The following MRPL28 variants were observed in gnomAD, a reference collection of about 807,000 sequenced individuals.
The protein encoded by MRPL28 is large ribosomal subunit protein bL28m.
Under a neutral mutation model 26.2 loss-of-function variants are expected in MRPL28, and 25 were observed. The ratio of observed to expected loss-of-function variants is 0.95; its 90% CI spans 0.69 to 1.33. The LOEUF (loss-of-function observed/expected upper bound fraction) is 1.33. MRPL28 is among the 40% of genes most tolerant of loss of function. The pLI is 0.00. For synonymous variants in MRPL28, 227 were observed against 140.1 expected (o/e 1.62, Z -4.38); for missense variants, 432 against 327.2 (o/e 1.32, Z -2.47).
chr16:368,542 C>T lies in MRPL28; in HGVS notation c.535G>A (p.Glu179Lys), dbSNP rs777669067. ...ATGGCTGCCCGCCGCTCGGGGTCCT[C>T]GGGGTGCAGCTGGGGGTCCTGCCGG... is the stretch of plus-strand genomic sequence containing the variant. ...LARQDPQLHPEDPERRAAIYD... is the reference protein window; with the variant it reads ...LARQDPQLHPKDPERRAAIYD... The change falls in exon 4 of 6, where the codon GAG becomes AAG. Residue 179 changes from glutamate (E) to lysine (K), a missense_variant. By Grantham distance (56) the Glu-to-Lys change is moderately conservative. Transcript: ENST00000199706. 109 of 1,595,212 alleles carry T rather than the reference C, an allele frequency of 6.8e-5. 1 individual carries two copies. In the South Asian group the frequency reaches 7.9e-4, roughly 12 times the overall value.
chr16:368,820 G>A (rs2054286766), intron 3 of MRPL28, 185 bp from the exon 4 acceptor site: 1 of 1,069,370 alleles, frequency 9.4e-7, no homozygotes, highest in African/African-American at 1.6e-5. Flanking sequence ...CCAAGTGCAG[G>A]GAAAGGGGCG....
rs1339019218 is a variant in MRPL28 at position 368,585 on chromosome 16, C to T, written c.492G>A (p.Gly164=). Residue 164 remains glycine (G), a synonymous_variant, in exon 4 of 6, where the codon GGG becomes GGA. Transcript: ENST00000199706. ...CCTGCCGGGCAAGCCGCAGCAGCAT[C>T]CCTCGCTTCAGGTCCATCCCAAACT... ...CSKFGMDLKR[G]MLLRLARQDP... is the part of the protein sequence containing the mutation. 1 of 1,598,118 alleles carries T rather than the reference C, an allele frequency of 6.3e-7. No homozygotes were observed. The highest frequency in any genetic ancestry group is 1.1e-5 in the South Asian group (1 of 89,378).
chr16:369,850 T>G, intron 2 of MRPL28, 81 bp downstream of exon 2: 1 of 1,525,854 alleles, frequency 6.6e-7, no homozygotes, highest in Non-Finnish European at 8.8e-7. Flanking sequence ...CCCAGGTCTC[T>G]CCAGGTACCC....
intron 4 of MRPL28, 39 bp from the exon 5 acceptor site, chr16:368,453 G>A: frequency 6.2e-7 from 1 of 1,613,380 alleles, no homozygotes; most frequent in Non-Finnish European, 8.5e-7. Context: ...GAGGCCCAGG[G>A]CCGGGCCACG....
At position 367,816 on chromosome 16, in the gene MRPL28, G is replaced by C. The variant is rs1288079499; in HGVS notation, c.664-34C>G. 1.9e-6 allele frequency: 3 copies of C among 1,584,818 alleles called. No homozygotes were observed. In the African/African-American group the frequency reaches 4.0e-5, roughly 21 times the overall value. On this transcript the variant is annotated intron_variant, in intron 5 of 5. Coordinates refer to ENST00000199706, the MANE Select transcript of MRPL28 (RefSeq NM_006428.5). ...GAGAGGGGCTCATGGTGAGGCCAGG[G>C]AAGCCCAGGGCAGCTGGAGTTCCGA...
Position 368,536 on chromosome 16 carries a change from G to A in MRPL28, c.541C>T (p.Pro181Ser), listed in dbSNP as rs758485563. 1 of 1,595,372 alleles carries A rather than the reference G, an allele frequency of 6.3e-7. No homozygotes were observed. The highest frequency in any genetic ancestry group is 8.6e-7 in the Non-Finnish European group (1 of 1,168,380). ...TCGTAGATGGCTGCCCGCCGCTCGG[G>A]GTCCTCGGGGTGCAGCTGGGGGTCC... is the stretch of plus-strand genomic sequence containing the variant. ...RQDPQLHPED[P>S]ERRAAIYDKY... The change falls in exon 4 of 6, where the codon CCC becomes TCC. Residue 181 changes from proline (P) to serine (S), a missense_variant. Coordinates refer to ENST00000199706, the MANE Select transcript of MRPL28 (RefSeq NM_006428.5).
chr16:369,151 C>G lies in MRPL28; in HGVS notation c.358G>C (p.Asp120His). The change falls in exon 3 of 6, where the codon GAC (aspartate) becomes CAC (histidine). Residue 120 changes from aspartate to histidine, a missense_variant. Transcript: ENST00000199706. The stretch of plus-strand genomic sequence containing the variant: ...GTCACAGTCACTGTGAACTTCTTGT[C>G]CAGGATCTCACTGTAGAACTCTCGC... ...FEREFYSEILDKKFTVTVTMR... is the reference protein window; with the variant it reads ...FEREFYSEILHKKFTVTVTMR... The G allele has an allele frequency of 6.2e-7, 1 of 1,614,044 alleles. No homozygotes were observed. Among genetic ancestry groups the G allele is most frequent in the African/African-American group, 1.3e-5 (1 of 75,036 alleles).
intron 2 of MRPL28, chr16:369,569 C>T (rs747787410): frequency 2.4e-5 from 17 of 713,436 alleles, no homozygotes; most frequent in Non-Finnish European, 3.9e-5. Context: ...TCAGCAGTCC[C>T]GCCAGGAAGT....
At chr16:368,951 A>C in intron 3 of MRPL28, 117 bp downstream of exon 3, 3 of 1,310,260 alleles carry the variant, frequency 2.3e-6, no homozygotes, top group Non-Finnish European at 3.1e-6. Flanking sequence ...ACGCTTTCCC[A>C]GTGACCCTCC....
Position 369,052 on chromosome 16 carries a change from G to GC in MRPL28, c.441+15dup, listed in dbSNP as rs751071163. 5.6e-6 allele frequency: 9 copies of GC among 1,611,744 alleles called. No individual in the cohort carries two copies. The African/African-American group carries it at 1.2e-4, about 22-fold the overall frequency. On this transcript the variant is annotated intron_variant, in intron 3 of 5. Coordinates refer to ENST00000199706, the MANE Select transcript of MRPL28 (RefSeq NM_006428.5). ...TCCCAGACCCTGTGTGCACTGACTC[G>GC]CCCCACCCCGCTTGCCTTGAGGATG...
At position 369,948 on chromosome 16, in the gene MRPL28, A is replaced by G; in HGVS notation, c.271T>C (p.Tyr91His). 1.9e-6 allele frequency: 3 copies of G among 1,611,182 alleles called. No homozygotes were observed. The highest frequency in any genetic ancestry group is 2.5e-6 in the Non-Finnish European group (3 of 1,179,680). Reference sequence around the variant, plus strand: ...GGACCCACCTTGTCGTTGTTGGCATATATTTGGCCCAGGATCCAGCCCTCG... The same window carrying G: ...GGACCCACCTTGTCGTTGTTGGCATGTATTTGGCCCAGGATCCAGCCCTCG... ...GGEGWILGQI[Y>H]ANNDKLSKRL... is the part of the protein sequence containing the mutation. The change falls in exon 2 of 6, where the codon TAT (tyrosine) becomes CAT (histidine). Residue 91 changes from tyrosine to histidine, a missense_variant. Physicochemically the swap from Tyr to His is moderately conservative, Grantham distance 83. Transcript: ENST00000199706.
At position 367,330 on chromosome 16, in the gene MRPL28, CA is replaced by C. The variant is rs1214677306; in HGVS notation, c.*344del. On this transcript the variant is annotated 3_prime_UTR_variant, in exon 6 of 6. Transcript: ENST00000199706. ...TCCGAGGTCTCAGGGGCAGCAAGGG[CA>C]GGGGTGACAGGATCAGGATCCCCAA... 1.6e-6 allele frequency: 1 copy of C among 626,502 alleles called. No individual in the cohort carries two copies. The highest frequency in any genetic ancestry group is 1.8e-5 in the African/African-American group (1 of 54,732). The allele number at this position is 626,502 out of a possible 1,614,324, so 38.8% of individuals were successfully genotyped here. A position where few individuals can be genotyped will look rare whatever the true frequency, so the allele number is the denominator to read the frequency against.
chr16:368,463 G>A (rs367832563), intron 4 of MRPL28, 38 bp downstream of exon 4: 148 of 1,612,648 alleles, frequency 9.2e-5, no homozygotes, highest in Middle Eastern at 1.6e-4. Context: ...GCCGGGCCAC[G>A]AGTCCCCAGG....
chr16:370,159 G>C lies in MRPL28; in HGVS notation c.60C>G (p.Ile20Met), dbSNP rs1232319893. 1.2e-6 allele frequency: 2 copies of C among 1,601,558 alleles called. No individual in the cohort carries two copies. Among genetic ancestry groups the C allele is most frequent in the Non-Finnish European group, 1.7e-6 (2 of 1,176,488 alleles). The change falls in exon 2 of 6, where the codon ATC (isoleucine) becomes ATG (methionine). Residue 20 changes from isoleucine (I) to methionine (M), a missense_variant. Coordinates refer to ENST00000199706, the MANE Select transcript of MRPL28 (RefSeq NM_006428.5). ...GGTAGTGGCCGGGCAGGCGGGAACAGATGCCCTCCCGCAGCTGCAGCCGCT... is the reference window on the plus strand; with the variant it reads ...GGTAGTGGCCGGGCAGGCGGGAACACATGCCCTCCCGCAGCTGCAGCCGCT... ...LWKRLQLREGICSRLPGHYLR... is the reference protein window; with the variant it reads ...LWKRLQLREGMCSRLPGHYLR...
chr16:369,204 T>G lies in MRPL28; in HGVS notation c.305A>C (p.Lys102Thr). The G allele has an allele frequency of 1.2e-6, 2 of 1,613,996 alleles. No individual in the cohort carries two copies. Among genetic ancestry groups the G allele is most frequent in the Middle Eastern group, 1.7e-4 (1 of 6,060 alleles). ...ANNDKLSKRL[K>T]KVWKPQLFER... Reference sequence around the variant, plus strand: ...AAACAGCTGTGGCTTCCACACTTTCTTCAGCCTCTTGGAGAGCTGAGGGTG... The same window carrying G: ...AAACAGCTGTGGCTTCCACACTTTCGTCAGCCTCTTGGAGAGCTGAGGGTG... The change falls in exon 3 of 6, where the codon AAG (lysine) becomes ACG (threonine). Residue 102 changes from lysine to threonine, a missense_variant. By Grantham distance (78) the Lys-to-Thr change is moderately conservative (BLOSUM62 -1). Coordinates refer to ENST00000199706, the MANE Select transcript of MRPL28 (RefSeq NM_006428.5).
chr16:368,580 A>G lies in MRPL28; in HGVS notation c.497T>C (p.Leu166Pro), dbSNP rs760433133. The G allele has an allele frequency of 1.9e-5, 31 of 1,598,820 alleles. No individual in the cohort carries two copies. Among genetic ancestry groups the G allele is most frequent in the Non-Finnish European group, 3.4e-6 (4 of 1,170,890 alleles). Reference sequence around the variant, plus strand: ...GGGGTCCTGCCGGGCAAGCCGCAGCAGCATCCCTCGCTTCAGGTCCATCCC... The same window carrying G: ...GGGGTCCTGCCGGGCAAGCCGCAGCGGCATCCCTCGCTTCAGGTCCATCCC... ...KFGMDLKRGMLLRLARQDPQL... is the reference protein window; with the variant it reads ...KFGMDLKRGMPLRLARQDPQL... The change falls in exon 4 of 6, where the codon CTG becomes CCG. Residue 166 changes from leucine (L) to proline (P), a missense_variant. Transcript: ENST00000199706.
intron 2 of MRPL28, 60 bp downstream of exon 2, chr16:369,871 G>A: frequency 6.4e-7 from 1 of 1,556,892 alleles, no homozygotes; most frequent in Non-Finnish European, 8.7e-7. Context: ...CGGGCGTCCG[G>A]CACAGAGCCG....
intron 5 of MRPL28, 102 bp downstream of exon 5, chr16:368,226 G>T: frequency 7.3e-7 from 1 of 1,370,916 alleles, no homozygotes; most frequent in Non-Finnish European, 1.0e-6. Flanking sequence ...AGCCCACCCA[G>T]TGCACCAGCC....
In MRPL28 at chr16:367,724, TGCTGCTGCA is replaced by T; in HGVS notation, c.713_721del (p.Leu238_Gln240del). The T allele has an allele frequency of 6.2e-7, 1 of 1,613,850 alleles. No individual in the cohort carries two copies. Among genetic ancestry groups the T allele is most frequent in the Non-Finnish European group, 8.5e-7 (1 of 1,180,012 alleles). ...CACCACCGCCGGCTCTGACAGTGCCTGCTGCTGCAGCTGCTGGATCAGCTCCGCCACATA... is the reference window on the plus strand; with the variant it reads ...CACCACCGCCGGCTCTGACAGTGCCTGCTGCTGGATCAGCTCCGCCACATA... On this transcript the variant is annotated inframe_deletion, in exon 6 of 6. Transcript: ENST00000199706.
Sources: gnomAD v4.1 joint callset for allele counts on GRCh38, gnomAD v4.1.1 for gene constraint, MANE v1.5 for transcripts, NCBI Gene and HGNC (gene_info 2026-07-23, HGNC 2026-07-21) for gene names.